The following PSD3 variants were observed in gnomAD, a reference collection of about 807,000 sequenced individuals.
PSD3 encodes the protein PH and SEC7 domain-containing protein 3.
PSD3 carries 49 observed loss-of-function variants against 105.5 expected under a neutral mutation model. The ratio of observed to expected loss-of-function variants is 0.46; its 90% CI spans 0.37 to 0.59. PSD3 has a LOEUF of 0.59. PSD3 is among the 20% of genes least tolerant of loss of function. The probability of loss-of-function intolerance (pLI) is 0.00; values close to 1 mark genes in which losing one functional copy is unlikely to be tolerated. For missense variants in PSD3, 1,561 were observed against 1,263.8 expected (o/e 1.24, Z -3.57); for synonymous variants, 557 against 457.8 (o/e 1.22, Z -2.77).
intron 1 of PSD3, among the ~76,000 whole-genome samples, chr8:18,981,296 C>G (rs892595002): frequency 6.6e-6 from 1 of 152,110 alleles, no homozygotes; most frequent in African/African-American, 2.4e-5. Context: ...AGGTCACCCC[C>G]CAACACACAT....
intron 11 of PSD3, 124 bp from the exon 12 acceptor site, chr8:18,600,558 G>C: frequency 1.2e-6 from 1 of 803,254 alleles, no homozygotes; most frequent in Non-Finnish European, 1.9e-6. Flanking sequence ...ATAACAATAA[G>C]AACTAAAATT....
At chr8:18,596,663 A>G (rs1419012480) in intron 12 of PSD3, among the ~76,000 whole-genome samples, 3 of 152,140 alleles carry the variant, frequency 2.0e-5, no homozygotes, top group African/African-American at 7.2e-5. Context: ...GATGCCACAT[A>G]AACTAAAAGG....
chr8:18,655,685 C>T lies in PSD3; in HGVS notation c.2173G>A (p.Ala725Thr). The stretch of plus-strand genomic sequence containing the variant: ...TCATTCTTGATTGAGTTGTACAGAG[C>T]CTGTAAAGAGAGAAAATGAGATCAC... ...GVDFSKDLLK[A>T]LYNSIKNEKL... Residue 725 changes from alanine (A) to threonine (T), a missense_variant and splice_region_variant, in exon 10 of 16, where the codon GCT (alanine) becomes ACT (threonine). By Grantham distance (58) the Ala-to-Thr change is moderately conservative. Transcript: ENST00000327040. The T allele has an allele frequency of 1.2e-6, 2 of 1,613,150 alleles. No homozygotes were observed. Among genetic ancestry groups the T allele is most frequent in the Non-Finnish European group, 1.7e-6 (2 of 1,179,254 alleles).
At chr8:18,677,998 A>G (rs1800166434) in intron 9 of PSD3, among the ~76,000 whole-genome samples, 1 of 129,074 alleles carries the variant, frequency 7.7e-6, no homozygotes, top group African/African-American at 3.1e-5. Context: ...CAGCAGAGCG[A>G]GACTCTGTCT....
chr8:18,547,944 C>T (rs1378122592), intron 15 of PSD3, among the ~76,000 whole-genome samples: 1 of 152,150 alleles, frequency 6.6e-6, no homozygotes, highest in Admixed American at 6.5e-5. Context: ...GCAATTGGCT[C>T]TGTTGATGGT....
At chr8:18,765,978 A>C (rs1214764183) in intron 8 of PSD3, among the ~76,000 whole-genome samples, 1 of 147,968 alleles carries the variant, frequency 6.8e-6, no homozygotes, top group Non-Finnish European at 1.5e-5. Flanking sequence ...AAAAAAAAAA[A>C]CCAAAAACAA....
intron 13 of PSD3, among the ~76,000 whole-genome samples, chr8:18,574,545 C>T (rs993714010): frequency 6.6e-6 from 1 of 152,144 alleles, no homozygotes; most frequent in Non-Finnish European, 1.5e-5. Context: ...ATCCCATTTC[C>T]TTGCTCACAG....
intron 1 of PSD3, among the ~76,000 whole-genome samples, chr8:19,071,128 C>T (rs1004673682): frequency 1.3e-5 from 2 of 151,654 alleles, no homozygotes; most frequent in South Asian, 2.1e-4. Flanking sequence ...GGTGCAATCT[C>T]GGCTCACTGC....
intron 1 of PSD3, among the ~76,000 whole-genome samples, chr8:19,026,870 C>T (rs1054818254): frequency 2.0e-5 from 3 of 149,926 alleles, no homozygotes; most frequent in Non-Finnish European, 4.5e-5. Flanking sequence ...CAAGAGCCTG[C>T]CCCCCCACCC....
intron 11 of PSD3, among the ~76,000 whole-genome samples, chr8:18,627,466 T>C (rs1439943413): frequency 6.6e-6 from 1 of 152,012 alleles, no homozygotes; most frequent in Admixed American, 6.6e-5. Context: ...GGATGGACAA[T>C]TTCAAGGGCT....
chr8:18,798,154 C>A (rs1196100862), intron 8 of PSD3, among the ~76,000 whole-genome samples: 1 of 152,134 alleles, frequency 6.6e-6, no homozygotes, highest in Non-Finnish European at 1.5e-5. Context: ...GCCTGCATTT[C>A]CACATGGTGT....
intron 4 of PSD3, chr8:18,808,904 G>C: frequency 6.4e-7 from 1 of 1,553,258 alleles, no homozygotes; most frequent in South Asian, 1.2e-5. Context: ...CTGGCTCCCT[G>C]TGAGGTCACA....
intron 1 of PSD3, among the ~76,000 whole-genome samples, chr8:18,971,079 T>G (rs1049435695): frequency 4.0e-5 from 6 of 151,780 alleles, no homozygotes; most frequent in African/African-American, 1.5e-4. Context: ...AGACCTCACA[T>G]GTGCTTAGGC....
At chr8:18,737,052 G>A (rs957873670) in intron 9 of PSD3, among the ~76,000 whole-genome samples, 2 of 152,138 alleles carry the variant, frequency 1.3e-5, no homozygotes, top group African/African-American at 4.8e-5. Context: ...CTGCTTTTGT[G>A]GTTTAGTTGT....
At chr8:18,671,425 T>G (rs1244298941) in intron 9 of PSD3, among the ~76,000 whole-genome samples, 1 of 152,194 alleles carries the variant, frequency 6.6e-6, no homozygotes, top group Non-Finnish European at 1.5e-5. Context: ...TATTTTTATT[T>G]GTGAAATCTG....
intron 1 of PSD3, among the ~76,000 whole-genome samples, chr8:19,046,744 G>T (rs1210209591): frequency 6.6e-6 from 1 of 152,168 alleles, no homozygotes; most frequent in Admixed American, 6.6e-5. Flanking sequence ...ATGAGGTTTT[G>T]TTAAAGCTGA....
intron 1 of PSD3, among the ~76,000 whole-genome samples, chr8:18,945,990 T>C (rs1822832948): frequency 2.0e-5 from 3 of 152,156 alleles, no homozygotes; most frequent in South Asian, 2.1e-4. Flanking sequence ...AATTAATAAA[T>C]AAGTTCACAT....
intron 15 of PSD3, among the ~76,000 whole-genome samples, chr8:18,542,901 T>C (rs188238354): frequency 1.8e-4 from 27 of 152,332 alleles, no homozygotes; most frequent in African/African-American, 6.5e-4. Context: ...TCTCTGCAGA[T>C]TCATTCTCAG....
chr8:18,923,774 T>C (rs770911333), intron 2 of PSD3, among the ~76,000 whole-genome samples: 1 of 152,178 alleles, frequency 6.6e-6, no homozygotes, highest in Non-Finnish European at 1.5e-5. Flanking sequence ...GACACATGGC[T>C]GTATATACTT....
Sources: allele counts gnomAD v4.1 joint callset (sites outside exome capture counted in the v4.1 genomes callset), GRCh38; gene constraint gnomAD v4.1.1; transcripts MANE v1.5; gene names NCBI Gene and HGNC (gene_info 2026-07-23, HGNC 2026-07-21).